The following NRXN3 variants were observed in gnomAD, a reference collection of about 807,000 sequenced individuals.
The protein encoded by NRXN3 is neurexin III.
A neutral mutation model predicts 137.6 loss-of-function variants in NRXN3; 32 were observed. That is an observed-to-expected ratio of 0.23 (90% CI 0.18 to 0.31). The LOEUF (loss-of-function observed/expected upper bound fraction) is 0.31, where lower values mean the gene tolerates loss of function less well. Among genes scored for constraint, NRXN3 ranks in the 10% least tolerant of loss-of-function variants. The pLI, the probability that NRXN3 is intolerant of heterozygous loss-of-function variation, is 1.00. For missense variants in NRXN3, 1,574 were observed against 2,062.5 expected (o/e 0.76, Z 4.59); for synonymous variants, 798 against 784.5 (o/e 1.02, Z -0.29).
chr14:78,616,372 G>C (rs2097347659), intron 4 of NRXN3, among the ~76,000 whole-genome samples: 1 of 152,052 alleles, frequency 6.6e-6, no homozygotes, highest in African/African-American at 2.4e-5. Flanking sequence ...CCTCCCAAAG[G>C]CTAACTCGTA....
chr14:79,319,719 C>T (rs988079717), intron 15 of NRXN3, among the ~76,000 whole-genome samples: 1 of 152,062 alleles, frequency 6.6e-6, no homozygotes, highest in Admixed American at 6.6e-5. Context: ...AATTTCATGC[C>T]TGTTGCTTTT....
At chr14:79,733,806 G>A (rs2098932780) in intron 19 of NRXN3, among the ~76,000 whole-genome samples, 1 of 151,992 alleles carries the variant, frequency 6.6e-6, no homozygotes, top group South Asian at 2.1e-4. Flanking sequence ...AAAAATGAGA[G>A]TGTCTAAATT....
At chr14:78,932,096 C>T (rs1191051823) in intron 10 of NRXN3, among the ~76,000 whole-genome samples, 16 of 152,116 alleles carry the variant, frequency 1.1e-4, no homozygotes, top group East Asian at 1.9e-4. Flanking sequence ...GCCAAGATTG[C>T]GCCATTGCAC....
At chr14:78,315,918 G>C (rs756932123) in intron 4 of NRXN3, among the ~76,000 whole-genome samples, 2 of 152,172 alleles carry the variant, frequency 1.3e-5, no homozygotes, top group African/African-American at 4.8e-5. Context: ...TTAGTTTGTA[G>C]ATATATCTTA....
intron 15 of NRXN3, among the ~76,000 whole-genome samples, chr14:79,387,765 T>C (rs1246761933): frequency 1.3e-5 from 2 of 152,114 alleles, no homozygotes; most frequent in African/African-American, 4.8e-5. Context: ...CATGGAATAC[T>C]ATGCAGCCAT....
chr14:79,853,634 G>T (rs765994403), intron 20 of NRXN3: 5 of 1,344,986 alleles, frequency 3.7e-6, no homozygotes, highest in Non-Finnish European at 2.9e-6. Flanking sequence ...CATCTCCTGT[G>T]TAGTTCACTC....
intron 6 of NRXN3, among the ~76,000 whole-genome samples, chr14:78,701,310 C>G (rs368712364): frequency 4.6e-5 from 7 of 152,204 alleles, no homozygotes; most frequent in African/African-American, 1.4e-4. Context: ...AAGAATCCAT[C>G]AAATAAATAC....
intron 15 of NRXN3, among the ~76,000 whole-genome samples, chr14:79,061,815 C>T (rs2099674655): frequency 6.6e-6 from 1 of 152,304 alleles, no homozygotes; most frequent in Admixed American, 6.5e-5. Context: ...CCCTCCCCAT[C>T]CCGGCCCATC....
intron 4 of NRXN3, among the ~76,000 whole-genome samples, chr14:78,474,548 T>C (rs1427519192): frequency 6.6e-6 from 1 of 152,198 alleles, no homozygotes; most frequent in Non-Finnish European, 1.5e-5. Flanking sequence ...ATGGCAGTTA[T>C]AGTCATTTGC....
intron 1 of NRXN3, among the ~76,000 whole-genome samples, chr14:78,188,049 C>T (rs908823921): frequency 2.0e-5 from 3 of 152,156 alleles, no homozygotes; most frequent in African/African-American, 7.2e-5. Context: ...CCTCCACATA[C>T]TCCTGCACAG....
At position 78,855,669 on chromosome 14, in the gene NRXN3, A is replaced by G. The variant is rs546506012; in HGVS notation, c.2275+45325A>G. ...GAGGCAATGAATGCTACTGTCAAAA[A>G]TAATTTGAAGAAAGTGTATCTGACA... On this transcript the variant is annotated intron_variant, in intron 10 of 20. Coordinates refer to ENST00000335750, the MANE Select transcript of NRXN3 (RefSeq NM_001330195.2). 3.6e-3 allele frequency among the ~76,000 whole-genome samples: 544 copies of G among 152,346 alleles called. 3 individuals are homozygous for G. The highest frequency in any genetic ancestry group is 5.6e-3 in the Non-Finnish European group (380 of 68,030).
intron 16 of NRXN3, among the ~76,000 whole-genome samples, chr14:79,583,068 A>G (rs1227358242): frequency 6.6e-6 from 1 of 152,232 alleles, no homozygotes; most frequent in Admixed American, 6.5e-5. Flanking sequence ...TAAAACACAC[A>G]AAAAAGTAAA....
chr14:79,298,431 T>A (rs1278113333), intron 15 of NRXN3, among the ~76,000 whole-genome samples: 1 of 152,034 alleles, frequency 6.6e-6, no homozygotes, highest in Admixed American at 6.6e-5. Context: ...GAAGGCCAGG[T>A]GATCGAGCAT....
chr14:78,252,235 C>T (rs1350695363), intron 2 of NRXN3, among the ~76,000 whole-genome samples: 3 of 151,512 alleles, frequency 2.0e-5, no homozygotes, highest in African/African-American at 4.9e-5. Context: ...TCCAGAGAAA[C>T]TACCCAGTTG....
chr14:78,324,297 C>G (rs1029717520), intron 4 of NRXN3, among the ~76,000 whole-genome samples: 4 of 152,042 alleles, frequency 2.6e-5, no homozygotes, highest in Middle Eastern at 3.2e-3. Context: ...CACTGAGCAC[C>G]TACTGCATAC....
intron 16 of NRXN3, among the ~76,000 whole-genome samples, chr14:79,560,505 T>TTTTTTTTTTTTTC: frequency 2.1e-5 from 1 of 47,076 alleles, no homozygotes; most frequent in Non-Finnish European, 4.6e-5. Context: ...GATTGTAAGC[T>TTTTTTTTTTTTTC]TTTTTTTTTT....
chr14:79,625,464 A>G (rs117876058), intron 16 of NRXN3, among the ~76,000 whole-genome samples: 1,549 of 152,280 alleles, frequency 0.01, 9 homozygotes, highest in Non-Finnish European at 0.017. Flanking sequence ...TCCTCTGGGT[A>G]TACCCAGAAG....
intron 1 of NRXN3, among the ~76,000 whole-genome samples, chr14:78,177,063 C>T (rs528310234): frequency 1.3e-5 from 2 of 152,228 alleles, no homozygotes; most frequent in South Asian, 2.1e-4. Context: ...TCCCATATAG[C>T]CCTGCCCGTC....
chr14:79,295,292 T>A (rs1475810490), intron 15 of NRXN3, among the ~76,000 whole-genome samples: 1 of 152,140 alleles, frequency 6.6e-6, no homozygotes, highest in Non-Finnish European at 1.5e-5. Context: ...CTTCTTCTTA[T>A]ACGTCAGGCT....
Sources: allele counts gnomAD v4.1 joint callset (sites outside exome capture counted in the v4.1 genomes callset), GRCh38; gene constraint gnomAD v4.1.1; transcripts MANE v1.5; gene names NCBI Gene and HGNC (gene_info 2026-07-23, HGNC 2026-07-21).